ARMC8: variants seen among roughly 807,000 people sequenced by gnomAD.
ARMC8 encodes the protein armadillo repeat containing 8, also known as armadillo repeat-containing protein 8.
In ARMC8, 20 loss-of-function variants were observed where a neutral mutation model predicts 99.3. The observed-to-expected ratio is 0.20, with a 90% confidence interval of 0.14 to 0.29. The LOEUF (loss-of-function observed/expected upper bound fraction) is 0.29, where lower values mean the gene tolerates loss of function less well. ARMC8 is among the 10% of genes least tolerant of loss of function. The pLI is 1.00. For missense variants in ARMC8, 569 were observed against 809.5 expected (o/e 0.70, Z 3.60); for synonymous variants, 263 against 278.3 (o/e 0.95, Z 0.55).
intron 12 of ARMC8, among the ~76,000 whole-genome samples, chr3:138,259,261 C>G (rs562719676): frequency 6.6e-6 from 1 of 152,318 alleles, no homozygotes; most frequent in East Asian, 1.9e-4. Flanking sequence ...AGGGCTGTGG[C>G]AGCAGCCACT....
intron 1 of ARMC8, among the ~76,000 whole-genome samples, chr3:138,200,849 G>A (rs2044017720): frequency 7.6e-6 from 1 of 130,970 alleles, no homozygotes; most frequent in African/African-American, 2.8e-5. Context: ...TATTTATTAT[G>A]TTTATTGCTT....
intron 6 of ARMC8, among the ~76,000 whole-genome samples, chr3:138,231,603 C>A (rs2046031606): frequency 1.3e-5 from 2 of 152,060 alleles, no homozygotes; most frequent in Admixed American, 1.3e-4. Flanking sequence ...ATTTCTGAGC[C>A]TATTTTTTGG....
intron 12 of ARMC8, 131 bp from the exon 13 acceptor site, chr3:138,263,608 G>C (rs1456263633): frequency 1.2e-6 from 1 of 809,810 alleles, no homozygotes; most frequent in Non-Finnish European, 2.1e-6. Flanking sequence ...CAAGATGATT[G>C]TTTGAGAGGT....
At chr3:138,279,760 T>C (rs1266918238) in intron 18 of ARMC8, among the ~76,000 whole-genome samples, 1 of 152,250 alleles carries the variant, frequency 6.6e-6, no homozygotes, top group African/African-American at 2.4e-5. Flanking sequence ...GTGTGAGCTT[T>C]GGTATTATGT....
chr3:138,229,287 A>G (rs1461386175), intron 6 of ARMC8, among the ~76,000 whole-genome samples: 3 of 146,988 alleles, frequency 2.0e-5, no homozygotes, highest in African/African-American at 7.5e-5. Context: ...TTCACTTGAC[A>G]TATCTCTAAG....
intron 5 of ARMC8, among the ~76,000 whole-genome samples, chr3:138,226,162 T>A (rs749430545): frequency 1.3e-5 from 2 of 152,014 alleles, no homozygotes; most frequent in Non-Finnish European, 2.9e-5. Context: ...CCGGCTAATT[T>A]TTTTTGTATT....
intron 12 of ARMC8, chr3:138,246,839 G>A (rs547989311): frequency 7.4e-5 from 71 of 957,588 alleles, no homozygotes; most frequent in Middle Eastern, 5.4e-4. Context: ...ACTCCTGATC[G>A]TTTCTGTAGA....
intron 6 of ARMC8, 124 bp from the exon 7 acceptor site, chr3:138,234,910 T>G (rs2046251122): frequency 1.4e-6 from 1 of 723,728 alleles, no homozygotes; most frequent in Non-Finnish European, 2.2e-6. Flanking sequence ...TGAGTTTATT[T>G]AAGCAAAGAG....
At chr3:138,264,108 C>G (rs1234863411) in intron 13 of ARMC8, 23 bp from the exon 14 acceptor site, 1 of 1,599,534 alleles carries the variant, frequency 6.3e-7, no homozygotes, top group Non-Finnish European at 8.5e-7. Flanking sequence ...TCTTGTGAAG[C>G]TAATTTTGAT....
intron 9 of ARMC8, 146 bp from the exon 10 acceptor site, chr3:138,239,322 G>A (rs923673944): frequency 1.8e-5 from 10 of 562,430 alleles, no homozygotes; most frequent in African/African-American, 8.0e-5. Flanking sequence ...CTGAACCTCC[G>A]AAAAGCGAAT....
At chr3:138,294,145 T>C (rs1166267002) in intron 21 of ARMC8, among the ~76,000 whole-genome samples, 2 of 152,180 alleles carry the variant, frequency 1.3e-5, no homozygotes, top group Non-Finnish European at 2.9e-5. Flanking sequence ...TAAAGAGCAA[T>C]ACAGAATTTC....
At chr3:138,237,923 GAT>G (rs2046412911) in intron 9 of ARMC8, 1 of 173,250 alleles carries the variant, frequency 5.8e-6, no homozygotes, top group Admixed American at 6.3e-5. Flanking sequence ...GAAATACAAA[GAT>G]ATAGAAATAT....
intron 18 of ARMC8, among the ~76,000 whole-genome samples, chr3:138,275,215 TCA>T (rs1279341157): frequency 6.6e-6 from 1 of 152,230 alleles, no homozygotes; most frequent in Non-Finnish European, 1.5e-5. Flanking sequence ...CTGGCGATCT[TCA>T]GTTTTTTGAC....
chr3:138,217,268 A>G (rs562087242), intron 2 of ARMC8, among the ~76,000 whole-genome samples: 1 of 152,320 alleles, frequency 6.6e-6, no homozygotes, highest in Admixed American at 6.5e-5. Flanking sequence ...TCCAGTCTTC[A>G]ATACTTTTAA....
At chr3:138,284,349 G>T in intron 18 of ARMC8, 82 bp from the exon 19 acceptor site, 1 of 1,041,020 alleles carries the variant, frequency 9.6e-7, no homozygotes, top group Non-Finnish European at 1.5e-6. Flanking sequence ...ACCTTCAAGT[G>T]AAAAATTGCC....
At chr3:138,237,629 T>C in intron 9 of ARMC8, 57 bp downstream of exon 9, 2 of 1,452,834 alleles carry the variant, frequency 1.4e-6, no homozygotes, top group Non-Finnish European at 1.9e-6. Context: ...TCTTAGAGTA[T>C]TTTTGGACAA....
chr3:138,287,125 A>G (rs998117528), intron 19 of ARMC8, among the ~76,000 whole-genome samples: 2 of 152,174 alleles, frequency 1.3e-5, no homozygotes, highest in African/African-American at 4.8e-5. Flanking sequence ...CAATCCCTTC[A>G]GCCCAACTGG....
intron 12 of ARMC8, chr3:138,246,393 A>C: frequency 1.0e-6 from 1 of 985,416 alleles, no homozygotes; most frequent in African/African-American, 1.7e-5. Context: ...TTCAAAGCAA[A>C]CATACTAGTG....
intron 2 of ARMC8, among the ~76,000 whole-genome samples, chr3:138,211,649 G>A (rs1022058557): frequency 5.3e-5 from 8 of 152,170 alleles, no homozygotes; most frequent in Non-Finnish European, 1.0e-4. Flanking sequence ...TAGAAGGAGC[G>A]TGGGGTTTGG....
Sources: gnomAD v4.1 joint callset for allele counts (sites outside exome capture counted in the v4.1 genomes callset) on GRCh38, gnomAD v4.1.1 for gene constraint, MANE v1.5 for transcripts, NCBI Gene and HGNC (gene_info 2026-07-23, HGNC 2026-07-21) for gene names.